The following ABCC1 variants were observed in gnomAD, a reference collection of about 807,000 sequenced individuals.
ABCC1 encodes the protein multidrug resistance-associated protein 1.
Under a neutral mutation model 172.9 loss-of-function variants are expected in ABCC1, and 83 were observed. The observed-to-expected ratio is 0.48, with a 90% confidence interval of 0.40 to 0.58. The LOEUF (loss-of-function observed/expected upper bound fraction) is 0.58. Among genes scored for constraint, ABCC1 ranks in the 20% least tolerant of loss-of-function variants. The pLI is 0.00. For synonymous variants in ABCC1, 937 were observed against 825.2 expected (o/e 1.14, Z -2.32); for missense variants, 1,817 against 2,002.7 (o/e 0.91, Z 1.77).
At position 16,108,803 on chromosome 16, in the gene ABCC1, G is replaced by A. The variant is rs892096245; in HGVS notation, c.2871+1930G>A. On this transcript the variant is annotated intron_variant, in intron 21 of 30. Coordinates refer to ENST00000399410, the MANE Select transcript of ABCC1 (RefSeq NM_004996.4). ...TGTGGAGATGAGGTTTCGCCCTGTC[G>A]CCCAGACTGGTCTTGAGCTCCTGGG... 1.1e-4 allele frequency among the ~76,000 whole-genome samples: 16 copies of A among 151,292 alleles called. No individual in the cohort carries two copies. The South Asian group carries it at 2.5e-3, about 24-fold the overall frequency.
At chr16:16,115,588 C>T (rs755953474) in intron 23 of ABCC1, among the ~76,000 whole-genome samples, 22 of 152,040 alleles carry the variant, frequency 1.4e-4, no homozygotes, top group Non-Finnish European at 2.5e-4. Flanking sequence ...CTCAGGTGAT[C>T]CACCCACCTC....
Position 16,122,163 on chromosome 16 carries a change from C to T in ABCC1, c.3579C>T (p.Ile1193=), listed in dbSNP as rs766219798. ...ACCAGAAGGCCTATTACCCCAGCATCGTGGCCAACAGGTGGGCATGGTGGG... is the reference window on the plus strand; with the variant it reads ...ACCAGAAGGCCTATTACCCCAGCATTGTGGCCAACAGGTGGGCATGGTGGG... ...DENQKAYYPS[I]VANRWLAVRL... is the part of the protein sequence containing the mutation. The change falls in exon 24 of 31, where the codon ATC becomes ATT. Residue 1193 remains isoleucine (I), a synonymous_variant. Transcript: ENST00000399410. The T allele has an allele frequency of 6.2e-6, 10 of 1,614,006 alleles. No individual in the cohort carries two copies. The East Asian group carries it at 6.7e-5, about 11-fold the overall frequency.
In ABCC1 at chr16:15,981,574, G is replaced by A. The variant is rs1205853390; in HGVS notation, c.49-26242G>A. 3.9e-5 allele frequency among the ~76,000 whole-genome samples: 6 copies of A among 152,290 alleles called. No homozygotes were observed. In the Middle Eastern group the frequency reaches 0.014, roughly 345 times the overall value. ...CCTTTTAGCCACAGTTGAAGCAACTGGAACAAAGTGTACCAACTCCCTAGG... is the reference window on the plus strand; with the variant it reads ...CCTTTTAGCCACAGTTGAAGCAACTAGAACAAAGTGTACCAACTCCCTAGG... On this transcript the variant is annotated intron_variant, in intron 1 of 30. Transcript: ENST00000399410.
At position 16,111,428 on chromosome 16, in the gene ABCC1, C is replaced by T. The variant is rs759875213; in HGVS notation, c.2925C>T (p.Ser975=). 14 of 1,614,070 alleles carry T rather than the reference C, an allele frequency of 8.7e-6. No individual in the cohort carries two copies. Among genetic ancestry groups the T allele is most frequent in the Middle Eastern group, 1.6e-4 (1 of 6,082 alleles). The change falls in exon 22 of 31, where the codon TCC becomes TCT. Residue 975 remains serine (S), a synonymous_variant. Coordinates refer to ENST00000399410, the MANE Select transcript of ABCC1 (RefSeq NM_004996.4). ...TGAAGGCCATCGGACTCTTCATCTC[C>T]TTCCTCAGCATCTTCCTTTTCATGT... ...DYMKAIGLFI[S]FLSIFLFMCN...
chr16:16,007,764 C>A, intron 1 of ABCC1, 52 bp from the exon 2 acceptor site: 2 of 1,530,286 alleles, frequency 1.3e-6, no homozygotes, highest in Non-Finnish European at 1.8e-6. Flanking sequence ...AGGCGAGCTC[C>A]TGTCCTCTGG....
chr16:16,136,482 C>T lies in ABCC1; in HGVS notation c.4130C>T (p.Pro1377Leu), dbSNP rs555898731. 6.2e-7 allele frequency: 1 copy of T among 1,614,160 alleles called. No individual in the cohort carries two copies. Among genetic ancestry groups the T allele is most frequent in the East Asian group, 2.2e-5 (1 of 44,878 alleles). ...RFKITIIPQD[P>L]VLFSGSLRMN... is the part of the protein sequence containing the mutation. ...CACTCTCTTCTCTCTGAACAGGACC[C>T]TGTTTTGTTTTCGGGTTCCCTCCGA... Residue 1377 changes from proline to leucine, a missense_variant, in exon 29 of 31, where the codon CCT becomes CTT. Transcript: ENST00000399410.
intron 19 of ABCC1, 122 bp downstream of exon 19, chr16:16,090,710 G>T: frequency 9.6e-7 from 1 of 1,042,170 alleles, no homozygotes. Context: ...ATGAGGGTGG[G>T]AGCTGGATGG....
chr16:15,957,558 G>C (rs1406428837), intron 1 of ABCC1, among the ~76,000 whole-genome samples: 4 of 152,058 alleles, frequency 2.6e-5, no homozygotes, highest in Non-Finnish European at 5.9e-5. Context: ...TGCTGGTTTG[G>C]CTTGATTTTA....
At chr16:16,125,336 A>G (rs1012000774) in intron 25 of ABCC1, among the ~76,000 whole-genome samples, 9 of 152,188 alleles carry the variant, frequency 5.9e-5, no homozygotes, top group East Asian at 1.9e-4. Context: ...GGAGATGGCA[A>G]TGTGGCAGGC....
At chr16:16,064,571 T>A (rs1344923570) in intron 12 of ABCC1, among the ~76,000 whole-genome samples, 1 of 152,190 alleles carries the variant, frequency 6.6e-6, no homozygotes, top group Non-Finnish European at 1.5e-5. Context: ...CCGGCATCGA[T>A]TGGTACTTGG....
Position 15,964,982 on chromosome 16 carries a change from A to G in ABCC1, c.48+15183A>G, listed in dbSNP as rs541010835. Among the ~76,000 whole-genome samples the G allele has an allele frequency of 2.0e-5, 3 of 151,998 alleles. No homozygotes were observed. The East Asian group carries it at 5.8e-4, about 29-fold the overall frequency. ...TTGTAAGGGCTCTTGTTATTGTGGG[A>G]CCTTTCCTCTTTGTCCATCACCTGT... On this transcript the variant is annotated intron_variant, in intron 1 of 30. Coordinates refer to ENST00000399410, the MANE Select transcript of ABCC1 (RefSeq NM_004996.4).
At chr16:16,066,396 G>T (rs138296006) in intron 12 of ABCC1, among the ~76,000 whole-genome samples, 2,315 of 151,618 alleles carry the variant, frequency 0.015, 70 homozygotes, top group African/African-American at 0.054. Context: ...GGTCAGGCTG[G>T]TCTGGAACTC....
chr16:16,097,935 G>A (rs1415505308), intron 19 of ABCC1: 1 of 152,350 alleles, frequency 6.6e-6, no homozygotes, highest in Non-Finnish European at 1.5e-5. Flanking sequence ...ATGCCCTTGA[G>A]AGCTCACAGT....
intron 22 of ABCC1, among the ~76,000 whole-genome samples, chr16:16,114,289 C>T (rs2044746315): frequency 6.6e-6 from 1 of 152,080 alleles, no homozygotes; most frequent in Non-Finnish European, 1.5e-5. Flanking sequence ...GTGCTTAGCA[C>T]ATAGGAAGTA....
At chr16:16,004,485 T>A (rs1055724576) in intron 1 of ABCC1, among the ~76,000 whole-genome samples, 6 of 152,094 alleles carry the variant, frequency 3.9e-5, no homozygotes, top group Non-Finnish European at 8.8e-5. Flanking sequence ...TGAAATCAAT[T>A]AAAATAATCA....
chr16:16,093,410 A>G (rs1434134452), intron 19 of ABCC1, among the ~76,000 whole-genome samples: 2 of 152,018 alleles, frequency 1.3e-5, no homozygotes, highest in South Asian at 2.1e-4. Flanking sequence ...CTGCTAGAGT[A>G]TCCAAGCAGT....
intron 12 of ABCC1, among the ~76,000 whole-genome samples, chr16:16,060,479 C>T (rs1464192126): frequency 3.9e-5 from 6 of 152,130 alleles, no homozygotes; most frequent in African/African-American, 1.2e-4. Flanking sequence ...ATTCTTCTTA[C>T]ACTCCAATAC....
chr16:15,963,634 G>A (rs1271586264), intron 1 of ABCC1, among the ~76,000 whole-genome samples: 1 of 152,196 alleles, frequency 6.6e-6, no homozygotes, highest in African/African-American at 2.4e-5. Flanking sequence ...GAGGCTTGGG[G>A]CTTGCACCCT....
intron 23 of ABCC1, 136 bp from the exon 24 acceptor site, chr16:16,121,839 G>T: frequency 1.2e-6 from 1 of 836,128 alleles, no homozygotes; most frequent in African/African-American, 1.7e-5. Flanking sequence ...GGGCACCCCT[G>T]TGAGGGCAGC....
Sources: gnomAD v4.1 joint callset for allele counts (sites outside exome capture counted in the v4.1 genomes callset) on GRCh38, gnomAD v4.1.1 for gene constraint, MANE v1.5 for transcripts, NCBI Gene and HGNC (gene_info 2026-07-23, HGNC 2026-07-21) for gene names.